Variants in CUL4B observed in about 807,000 individuals in gnomAD.
CUL4B encodes cullin 4B, also known as cullin-4B.
Under a neutral mutation model 69.2 loss-of-function variants are expected in CUL4B, and 1 was observed. The ratio of observed to expected loss-of-function variants is 0.01; its 90% CI spans 0.01 to 0.07. The LOEUF is 0.07. Ranked by LOEUF, CUL4B falls within the 10% of genes least tolerant of loss-of-function variation. CUL4B has a pLI of 1.00. For synonymous variants in CUL4B, 237 were observed against 223.2 expected (o/e 1.06, Z -0.55); for missense variants, 328 against 638.8 (o/e 0.51, Z 5.24).
intron 1 of CUL4B, among the ~76,000 whole-genome samples, chrX:120,559,119 C>T (rs887590535): frequency 2.7e-5 from 3 of 110,719 alleles, no homozygotes; most frequent in Non-Finnish European, 5.7e-5. Context: ...CATAGAGAAC[C>T]TAATCTTCTC....
Position 120,560,790 on chromosome X carries a change from G to T in CUL4B, c.-152C>A, listed in dbSNP as rs1209609029. ...GACGAGAAGGAAAGTGAAGGGGGGGGCTACACCGGGGGAATGGGAGGGTTT... is the reference window on the plus strand; with the variant it reads ...GACGAGAAGGAAAGTGAAGGGGGGGTCTACACCGGGGGAATGGGAGGGTTT... On this transcript the variant is annotated 5_prime_UTR_variant, in exon 1 of 20. Coordinates refer to ENST00000371322, the MANE Select transcript of CUL4B (RefSeq NM_001079872.2). 3 of 246,104 alleles carry T rather than the reference G, an allele frequency of 1.2e-5. No homozygotes were observed. The highest frequency in any genetic ancestry group is 7.3e-5 in the Admixed American group (1 of 13,710). 20.3% of individuals were successfully genotyped at this position (246,104 alleles called of 1,213,427 possible).
In CUL4B at chrX:120,560,901, T is replaced by TC; in HGVS notation, c.-264dup. ...GGCAGACAGGTAAACGGCCGTGCCGTCCCCCTCCCCTGCTTTTCGATCTCT... is the reference window on the plus strand; with the variant it reads ...GGCAGACAGGTAAACGGCCGTGCCGTCCCCCCTCCCCTGCTTTTCGATCTCT... On this transcript the variant is annotated 5_prime_UTR_variant, in exon 1 of 20. Coordinates refer to ENST00000371322, the MANE Select transcript of CUL4B (RefSeq NM_001079872.2). The TC allele has an allele frequency of 1.3e-6, 1 of 749,619 alleles. No homozygotes were observed. The highest frequency in any genetic ancestry group is 1.6e-6 in the Non-Finnish European group (1 of 637,955). 61.8% of individuals were successfully genotyped at this position (749,619 alleles called of 1,213,427 possible).
At chrX:120,537,171 GA>G (rs1923723476) in intron 14 of CUL4B, 137 bp from the exon 15 acceptor site, 2 of 504,022 alleles carry the variant, frequency 4.0e-6, no homozygotes, top group African/African-American at 4.7e-5. Context: ...CAACTATTAA[GA>G]AGACTTTAAA....
chrX:120,547,113 A>ATTTTTTGT (rs1924387945), intron 3 of CUL4B, 23 bp downstream of exon 3: 1 of 1,096,103 alleles, frequency 9.1e-7, no homozygotes. Flanking sequence ...ACTATTCACG[A>ATTTTTTGT]TTTTTTGTTT....
At chrX:120,528,332 G>A (rs763101374) in intron 19 of CUL4B, among the ~76,000 whole-genome samples, 11 of 109,214 alleles carry the variant, frequency 1.0e-4, no homozygotes, top group East Asian at 2.8e-4. Context: ...GCTTGAACCC[G>A]GGAGGTGGAG....
At chrX:120,541,539 A>T in intron 10 of CUL4B, 63 bp downstream of exon 10, 1 of 773,814 alleles carries the variant, frequency 1.3e-6, no homozygotes, top group Admixed American at 2.2e-5. Context: ...ATGCTTGCCA[A>T]TATGCACTCT....
intron 4 of CUL4B, 32 bp downstream of exon 4, chrX:120,546,515 T>C (rs1427110169): frequency 5.4e-6 from 6 of 1,115,211 alleles, no homozygotes; most frequent in African/African-American, 1.8e-5. Flanking sequence ...AATACAATGT[T>C]TAGCCGAAAT....
At chrX:120,571,394 C>G (rs750694336) in exon 3 of CUL4B, 1 of 111,430 alleles carries the variant, frequency 9.0e-6, no homozygotes, top group South Asian at 3.8e-4. Context: ...GCAGAGATAA[C>G]AAATGACAAC....
At chrX:120,566,855 T>G (rs1370206314), downstream of CUL4B, among the ~76,000 whole-genome samples, 1 of 111,361 alleles carries the variant, frequency 9.0e-6, no homozygotes, top group Non-Finnish European at 1.9e-5. Flanking sequence ...AAGTTAGAGA[T>G]AGGCTGTTTT....
intron 9 of CUL4B, among the ~76,000 whole-genome samples, chrX:120,542,121 C>T (rs1462840305): frequency 9.0e-6 from 1 of 111,468 alleles, no homozygotes; most frequent in Non-Finnish European, 1.9e-5. Flanking sequence ...AAATGGTTAA[C>T]TCCATAATGG....
chrX:120,560,486 ACTGTTACTG>A lies in CUL4B; in HGVS notation c.144_152del (p.Ser51_Asn53del). On this transcript the variant is annotated inframe_deletion, in exon 1 of 20. Coordinates refer to ENST00000371322, the MANE Select transcript of CUL4B (RefSeq NM_001079872.2). ...AATCAAAGTCTTCTCTCTCGTTACT[ACTGTTACTG>A]CTGCTACTGCTGCTGCTGTTTAACT... 2 of 1,209,891 alleles carry A rather than the reference ACTGTTACTG, an allele frequency of 1.7e-6. No homozygotes were observed. Among genetic ancestry groups the A allele is most frequent in the Non-Finnish European group, 2.2e-6 (2 of 894,329 alleles).
chrX:120,549,466 C>CT (rs1924549597), intron 2 of CUL4B, among the ~76,000 whole-genome samples: 1 of 111,579 alleles, frequency 9.0e-6, no homozygotes, highest in African/African-American at 3.3e-5. Flanking sequence ...TCTCATCAAC[C>CT]CGGGCGGTGG....
downstream of CUL4B, among the ~76,000 whole-genome samples, chrX:120,567,140 T>G (rs1925577366): frequency 1.0e-5 from 1 of 97,595 alleles, no homozygotes; most frequent in South Asian, 4.7e-4. Flanking sequence ...TTTTTTTTTT[T>G]TGAGACAGAG....
intron 17 of CUL4B, 102 bp downstream of exon 17, chrX:120,534,379 T>A: frequency 1.7e-6 from 1 of 597,454 alleles, no homozygotes; most frequent in African/African-American, 2.3e-5. Context: ...AAAAAAAAAC[T>A]CAAAACAGTT....
At chrX:120,528,644 C>A (rs1420912338) in intron 19 of CUL4B, among the ~76,000 whole-genome samples, 1 of 110,387 alleles carries the variant, frequency 9.1e-6, no homozygotes, top group South Asian at 3.9e-4. Context: ...TTGCTTGAAC[C>A]CGGGAGGCAG....
At chrX:120,556,852 T>C (rs1226982435) in intron 2 of CUL4B, among the ~76,000 whole-genome samples, 1 of 110,545 alleles carries the variant, frequency 9.0e-6, no homozygotes, top group Non-Finnish European at 1.9e-5. Context: ...ACCAACATAA[T>C]TTCTTACAAG....
intron 2 of CUL4B, among the ~76,000 whole-genome samples, chrX:120,550,146 C>T (rs776966744): frequency 2.1e-4 from 24 of 112,120 alleles, no homozygotes; most frequent in Non-Finnish European, 4.1e-4. Flanking sequence ...TCATACCACA[C>T]TGACTTAGTC....
At chrX:120,574,106 C>A (rs12392620) in intron 2 of CUL4B, among the ~76,000 whole-genome samples, 4,088 of 107,830 alleles carry the variant, frequency 0.038, 217 homozygotes, top group African/African-American at 0.12. Flanking sequence ...ACCTGCCCCC[C>A]TCTGCCCCAG....
downstream of CUL4B, among the ~76,000 whole-genome samples, chrX:120,567,911 C>A (rs1925604556): frequency 9.1e-6 from 1 of 109,620 alleles, no homozygotes; most frequent in South Asian, 3.9e-4. Context: ...ATTCTACATA[C>A]CTCCAAGTTT....
Sources: gnomAD v4.1 joint callset for allele counts (sites outside exome capture counted in the v4.1 genomes callset) on GRCh38, gnomAD v4.1.1 for gene constraint, MANE v1.5 for transcripts, NCBI Gene and HGNC (gene_info 2026-07-23, HGNC 2026-07-21) for gene names.